Variants in GPIHBP1 observed in about 807,000 individuals in gnomAD.
GPIHBP1 encodes the protein glycosylphosphatidylinositol anchored high density lipoprotein binding protein 1, also known as glycosylphosphatidylinositol-anchored high density lipoprotein-binding protein 1.
GPIHBP1 carries 11 observed loss-of-function variants against 13.0 expected under a neutral mutation model. The observed-to-expected ratio is 0.84, with a 90% CI of 0.53 to 1.40. The LOEUF (loss-of-function observed/expected upper bound fraction) is 1.40. Ranked by LOEUF, GPIHBP1 falls within the 40% of genes most tolerant of loss-of-function variation. GPIHBP1 has a pLI of 0.00. For synonymous variants in GPIHBP1, 106 were observed against 102.2 expected, an observed-to-expected ratio of 1.04 and a Z score of -0.22; for missense variants, 231 against 241.1, an observed-to-expected ratio of 0.96 and a Z score of 0.28.
In GPIHBP1 at chr8:143,215,069, A is replaced by G. The variant is rs1187582756; in HGVS notation, c.238A>G (p.Thr80Ala). Reference protein sequence around the residue: ...SLPRDERCNLTQNCSHGQTCT... With the variant: ...SLPRDERCNLAQNCSHGQTCT... ...GCCCAGGGACGAGCGCTGCAACCTG[A>G]CGCAGAACTGCTCACATGGCCAGAC... Residue 80 changes from threonine to alanine, a missense_variant, in exon 3 of 4, where the codon ACG (threonine) becomes GCG (alanine). Transcript: ENST00000622500. 1.9e-6 allele frequency: 3 copies of G among 1,610,844 alleles called. No individual in the cohort carries two copies. The highest frequency in any genetic ancestry group is 3.3e-5 in the Admixed American group (2 of 59,754).
Position 143,214,671 on chromosome 8 carries a change from C to G in GPIHBP1, c.182-342C>G, listed in dbSNP as rs964127514. 2.0e-5 allele frequency among the ~76,000 whole-genome samples: 3 copies of G among 152,146 alleles called. No homozygotes were observed. The highest frequency in any genetic ancestry group is 2.1e-4 in the South Asian group (1 of 4,832). On this transcript the variant is annotated intron_variant, in intron 2 of 3. Coordinates refer to ENST00000622500, the MANE Select transcript of GPIHBP1 (RefSeq NM_178172.6). The surrounding 1 kb of genome is among the most constrained non-coding windows in gnomAD (Gnocchi z 4.1). ...CACGAGGTGTCCCCTGTGAGGCCCT[C>G]CTCTGCCAGGCCTGGTGCTCCTGGA...
Position 143,215,412 on chromosome 8 carries a change from C to G in GPIHBP1, c.449C>G (p.Thr150Arg), listed in dbSNP as rs1216010165. ...PWQSSRVQDP[T>R]GKGAGGPRGS... ...CAAAGCTCCCGAGTCCAGGACCCAACAGGCAAGGGGGCAGGCGGCCCCCGG... is the reference window on the plus strand; with the variant it reads ...CAAAGCTCCCGAGTCCAGGACCCAAGAGGCAAGGGGGCAGGCGGCCCCCGG... The change falls in exon 4 of 4, where the codon ACA becomes AGA. Residue 150 changes from threonine to arginine, a missense_variant. Physicochemically the swap from Thr to Arg is moderately conservative, Grantham distance 71 (BLOSUM62 -1). Transcript: ENST00000622500. 9.3e-6 allele frequency: 15 copies of G among 1,612,830 alleles called. No homozygotes were observed. Among genetic ancestry groups the G allele is most frequent in the African/African-American group, 4.0e-5 (3 of 75,060 alleles).
intron 2 of GPIHBP1, 33 bp downstream of exon 2, chr8:143,213,983 C>G: frequency 6.5e-7 from 1 of 1,548,764 alleles, no homozygotes; most frequent in Non-Finnish European, 8.7e-7. Flanking sequence ...GCCCTGCTGC[C>G]TGATCTGCCT....
rs1816295993 is a variant in GPIHBP1 at position 143,215,611 on chromosome 8, G to A, written c.*93G>A. 8.8e-7 allele frequency: 1 copy of A among 1,138,994 alleles called. No homozygotes were observed. The highest frequency in any genetic ancestry group is 2.6e-5 in the East Asian group (1 of 38,880). 70.6% of individuals were successfully genotyped at this position (1,138,994 alleles called of 1,614,324 possible). On this transcript the variant is annotated 3_prime_UTR_variant, in exon 4 of 4. Coordinates refer to ENST00000622500, the MANE Select transcript of GPIHBP1 (RefSeq NM_178172.6). Reference sequence around the variant, plus strand: ...CCCTCCTGCCCCTGCACCAGCTTTGGAGAATGGATTTGGAGTGTCTTGGGC... The same window carrying A: ...CCCTCCTGCCCCTGCACCAGCTTTGAAGAATGGATTTGGAGTGTCTTGGGC...
rs1273415146 is a variant in GPIHBP1 at position 143,213,814 on chromosome 8, A to G, written c.53-8A>G. ...AGCTGAGGCTTACAAGCATCCCTGC[A>G]CGGCCAGGGAGAGGGCAGACACAGC... On this transcript the variant is annotated splice_polypyrimidine_tract_variant and splice_region_variant and intron_variant, in intron 1 of 3. Coordinates refer to ENST00000622500, the MANE Select transcript of GPIHBP1 (RefSeq NM_178172.6). 2 of 1,572,396 alleles carry G rather than the reference A, an allele frequency of 1.3e-6. No individual in the cohort carries two copies. Among genetic ancestry groups the G allele is most frequent in the South Asian group, 2.3e-5 (2 of 85,516 alleles).
intron 1 of GPIHBP1, 66 bp downstream of exon 1, chr8:143,213,385 C>G (rs1296811523): frequency 3.8e-6 from 5 of 1,300,964 alleles, no homozygotes; most frequent in Non-Finnish European, 5.4e-6. Flanking sequence ...ACAGGGACCT[C>G]CAGGGACCCC....
chr8:143,214,563 C>G lies in GPIHBP1; in HGVS notation c.182-450C>G, dbSNP rs2130672030. On this transcript the variant is annotated intron_variant, in intron 2 of 3. Coordinates refer to ENST00000622500, the MANE Select transcript of GPIHBP1 (RefSeq NM_178172.6). This position sits in a 1 kb window ranked among gnomAD's most constrained non-coding sequence, Gnocchi z 4.1. ...ACACAGCCCCTCCCTAGCCAGGGCC[C>G]CCAGCATGCCCCACCACACACAGCC... 1.4e-5 allele frequency among the ~76,000 whole-genome samples: 2 copies of G among 141,200 alleles called. No homozygotes were observed. Among genetic ancestry groups the G allele is most frequent in the East Asian group, 3.9e-4 (2 of 5,174 alleles). The allele number at this position is 141,200 out of a possible 152,430, so 92.6% of individuals were successfully genotyped here.
In GPIHBP1 at chr8:143,213,892, A is replaced by G; in HGVS notation, c.123A>G (p.Glu41=). ...EDHGPDDYDE[E]DEDEVEEEET... is the part of the protein sequence containing the mutation. The stretch of plus-strand genomic sequence containing the variant: ...ACGGGCCAGATGACTACGACGAGGA[A>G]GATGAGGATGAGGTGGAAGAGGAGG... Residue 41 remains glutamate, a synonymous_variant, in exon 2 of 4, where the codon GAA becomes GAG. Coordinates refer to ENST00000622500, the MANE Select transcript of GPIHBP1 (RefSeq NM_178172.6). 2 of 1,552,228 alleles carry G rather than the reference A, an allele frequency of 1.3e-6. No individual in the cohort carries two copies. The highest frequency in any genetic ancestry group is 1.7e-6 in the Non-Finnish European group (2 of 1,147,402).
Position 143,213,887 on chromosome 8 carries a change from G to T in GPIHBP1, c.118G>T (p.Glu40Ter). 1 of 1,552,314 alleles carries T rather than the reference G, an allele frequency of 6.4e-7. No individual in the cohort carries two copies. Among genetic ancestry groups the T allele is most frequent in the East Asian group, 2.4e-5 (1 of 40,990 alleles). ...DEDHGPDDYD[E>*]EDEDEVEEEE... ...GGACCACGGGCCAGATGACTACGAC[G>T]AGGAAGATGAGGATGAGGTGGAAGA... Residue 40 changes from glutamate to a stop codon, truncating the protein, a stop_gained, in exon 2 of 4, where the codon GAG (glutamate) becomes TAG (stop). Transcript: ENST00000622500. LOFTEE classifies it high-confidence loss of function.
chr8:143,215,219 C>G, intron 3 of GPIHBP1, 40 bp from the exon 4 acceptor site: 1 of 1,612,890 alleles, frequency 6.2e-7, no homozygotes, highest in Non-Finnish European at 8.5e-7. Flanking sequence ...CTCAGAGACC[C>G]CGCCCATCCT....
At position 143,214,636 on chromosome 8, in the gene GPIHBP1, C is replaced by T. The variant is rs1452688611; in HGVS notation, c.182-377C>T. Among the ~76,000 whole-genome samples, 1 of 152,102 alleles carries T rather than the reference C, an allele frequency of 6.6e-6. No homozygotes were observed. The highest frequency in any genetic ancestry group is 6.5e-5 in the Admixed American group (1 of 15,280). ...AGCCTGCCCTCAGCACGAGCCCTGC[C>T]CCACACACCCACGAGGTGTCCCCTG... On this transcript the variant is annotated intron_variant, in intron 2 of 3. Coordinates refer to ENST00000622500, the MANE Select transcript of GPIHBP1 (RefSeq NM_178172.6). This position sits in a 1 kb window ranked among gnomAD's most constrained non-coding sequence, Gnocchi z 4.1.
At position 143,213,304 on chromosome 8, in the gene GPIHBP1, C is replaced by T. The variant is rs1371706535; in HGVS notation, c.37C>T (p.Leu13=). The change falls in exon 1 of 4, where the codon CTG becomes TTG. Residue 13 remains leucine (L), a synonymous_variant. Transcript: ENST00000622500. The stretch of plus-strand genomic sequence containing the variant: ...CGGGGCTGTCCTGCTTGCCCTCTTG[C>T]TGTTCGGGCGGCCAGGTGCGGGGCA... ...ALGAVLLALL[L]FGRPGRGQTQ... The T allele has an allele frequency of 1.9e-6, 3 of 1,597,840 alleles. No individual in the cohort carries two copies. Among genetic ancestry groups the T allele is most frequent in the East Asian group, 4.5e-5 (2 of 44,392 alleles).
intron 1 of GPIHBP1, among the ~76,000 whole-genome samples, 199 bp from the exon 2 acceptor site, chr8:143,213,594 CAGGACAGTGAGTAGGGTGAGTAGGGTAGT>C (rs1272712011): frequency 1.5e-5 from 1 of 64,890 alleles, no homozygotes; most frequent in Non-Finnish European, 4.4e-5. Flanking sequence ...CACTCGGCTG[CAGGACAGTGAGTAGGGTGAGTAGGGTAGT>C]AGGACAGTGA....
chr8:143,215,012 G>A lies in GPIHBP1; in HGVS notation c.182-1G>A. The A allele has an allele frequency of 1.9e-6, 3 of 1,564,684 alleles. No individual in the cohort carries two copies. The highest frequency in any genetic ancestry group is 2.6e-6 in the Non-Finnish European group (3 of 1,154,576). On this transcript the variant is annotated splice_acceptor_variant, in intron 2 of 3. Coordinates refer to ENST00000622500, the MANE Select transcript of GPIHBP1 (RefSeq NM_178172.6). LOFTEE classifies it high-confidence loss of function. ...TCGGCCTGAGCCCGCCTTGTCCCCA[G>A]TGCTGCTGCGGTGCTACACCTGCAA...
In GPIHBP1 at chr8:143,215,057, C is replaced by T. The variant is rs756671297; in HGVS notation, c.226C>T (p.Arg76Cys). 35 of 1,606,534 alleles carry T rather than the reference C, an allele frequency of 2.2e-5. No homozygotes were observed. Among genetic ancestry groups the T allele is most frequent in the Admixed American group, 8.5e-5 (5 of 59,128 alleles). Reference protein sequence around the residue: ...YTCKSLPRDERCNLTQNCSHG... With the variant: ...YTCKSLPRDECCNLTQNCSHG... ...CTGCAAGTCCCTGCCCAGGGACGAG[C>T]GCTGCAACCTGACGCAGAACTGCTC... Residue 76 changes from arginine to cysteine, a missense_variant, in exon 3 of 4, where the codon CGC (arginine) becomes TGC (cysteine). Arg to Cys is a radical substitution (Grantham distance 180, BLOSUM62 -3). Transcript: ENST00000622500.
rs1397339860 is a variant in GPIHBP1 at position 143,215,838 on chromosome 8, C to T, written c.*320C>T. On this transcript the variant is annotated 3_prime_UTR_variant, in exon 4 of 4. Transcript: ENST00000622500. ...AGCACAGCCAGGCAGAGATGATACCCACCACACACCTGGGGGCCCCCACAC... is the reference window on the plus strand; with the variant it reads ...AGCACAGCCAGGCAGAGATGATACCTACCACACACCTGGGGGCCCCCACAC... The T allele has an allele frequency of 4.5e-6, 2 of 445,916 alleles. No individual in the cohort carries two copies. The highest frequency in any genetic ancestry group is 8.1e-6 in the Non-Finnish European group (2 of 247,364). 27.6% of individuals were successfully genotyped at this position (445,916 alleles called of 1,614,324 possible).
chr8:143,214,842 A>G lies in GPIHBP1; in HGVS notation c.182-171A>G, dbSNP rs1474574337. ...CCCCTAAACACACAGGCTCACGCAC[A>G]CAGCACAGCTTACAGGACCAAGTCA... On this transcript the variant is annotated intron_variant, in intron 2 of 3. Transcript: ENST00000622500. This position sits in a 1 kb window ranked among gnomAD's most constrained non-coding sequence, Gnocchi z 4.1. 2.0e-5 allele frequency among the ~76,000 whole-genome samples: 3 copies of G among 152,202 alleles called. No individual in the cohort carries two copies. The highest frequency in any genetic ancestry group is 4.4e-5 in the Non-Finnish European group (3 of 68,018).
In GPIHBP1 at chr8:143,214,988, C is replaced by A; in HGVS notation, c.182-25C>A. 6.6e-7 allele frequency: 1 copy of A among 1,507,468 alleles called. No homozygotes were observed. The highest frequency in any genetic ancestry group is 9.0e-7 in the Non-Finnish European group (1 of 1,107,540). The allele number at this position is 1,507,468 out of a possible 1,614,324, so 93.4% of individuals were successfully genotyped here. On this transcript the variant is annotated intron_variant, in intron 2 of 3. Coordinates refer to ENST00000622500, the MANE Select transcript of GPIHBP1 (RefSeq NM_178172.6). This position sits in a 1 kb window ranked among gnomAD's most constrained non-coding sequence, Gnocchi z 4.1. ...GAGGAGACCCTGGGGGGCCCGGCCT[C>A]GGCCTGAGCCCGCCTTGTCCCCAGT... is the stretch of plus-strand genomic sequence containing the variant.
Position 143,215,247 on chromosome 8 carries a change from T to A in GPIHBP1, c.296-12T>A. 6.2e-7 allele frequency: 1 copy of A among 1,612,826 alleles called. No individual in the cohort carries two copies. Among genetic ancestry groups the A allele is most frequent in the Non-Finnish European group, 8.5e-7 (1 of 1,179,930 alleles). Reference sequence around the variant, plus strand: ...CCCATCCTCAGCACTTGTTCCCCACTCCCCTTCCCAGAGTCAGGCCTCCTG... The same window carrying A: ...CCCATCCTCAGCACTTGTTCCCCACACCCCTTCCCAGAGTCAGGCCTCCTG... On this transcript the variant is annotated splice_polypyrimidine_tract_variant and intron_variant, in intron 3 of 3. Coordinates refer to ENST00000622500, the MANE Select transcript of GPIHBP1 (RefSeq NM_178172.6).
Sources: allele counts gnomAD v4.1 joint callset (sites outside exome capture counted in the v4.1 genomes callset), GRCh38; gene constraint gnomAD v4.1.1; non-coding constraint Gnocchi (gnomAD v3.1); transcripts MANE v1.5; gene names NCBI Gene and HGNC (gene_info 2026-07-23, HGNC 2026-07-21).